Variants in SUPT3H observed in about 807,000 individuals in gnomAD.
SUPT3H encodes the protein transcription initiation protein SPT3 homolog.
In SUPT3H, 44 loss-of-function variants were observed where a neutral mutation model predicts 44.3. The ratio of observed to expected loss-of-function variants is 0.99; its 90% confidence interval spans 0.78 to 1.28. The LOEUF is 1.28. SUPT3H is among the 50% of genes most tolerant of loss of function. The pLI is 0.00. For synonymous variants in SUPT3H, 124 were observed against 125.6 expected (o/e 0.99, Z 0.09); for missense variants, 380 against 387.1 (o/e 0.98, Z 0.15).
chr6:45,166,351 G>C (rs906863484), intron 2 of SUPT3H, among the ~76,000 whole-genome samples: 1 of 152,088 alleles, frequency 6.6e-6, no homozygotes, highest in Non-Finnish European at 1.5e-5. Context: ...CACTTTAGGA[G>C]GCCAAGGCGG....
At chr6:45,155,243 C>T (rs1247865023) in intron 2 of SUPT3H, among the ~76,000 whole-genome samples, 2 of 152,118 alleles carry the variant, frequency 1.3e-5, no homozygotes, top group Non-Finnish European at 2.9e-5. Flanking sequence ...AAGTTCAAAG[C>T]TCTTACCACT....
intron 2 of SUPT3H, among the ~76,000 whole-genome samples, chr6:45,226,218 T>C (rs917918084): frequency 6.6e-6 from 1 of 152,186 alleles, no homozygotes; most frequent in Non-Finnish European, 1.5e-5. Context: ...CTAAGTTTTA[T>C]TTCAGAAAAG....
chr6:45,016,107 T>G (rs114541001), intron 4 of SUPT3H, among the ~76,000 whole-genome samples: 169 of 152,202 alleles, frequency 1.1e-3, no homozygotes, highest in African/African-American at 3.8e-3. Context: ...TAATTTTATG[T>G]GCTATGCTTT....
intron 3 of SUPT3H, among the ~76,000 whole-genome samples, chr6:45,082,746 T>G (rs1192332354): frequency 6.6e-6 from 1 of 152,136 alleles, no homozygotes; most frequent in East Asian, 1.9e-4. Context: ...CTACTTCTAC[T>G]CAACATAGTA....
chr6:45,091,067 C>G (rs1797069060), intron 3 of SUPT3H, among the ~76,000 whole-genome samples: 1 of 151,772 alleles, frequency 6.6e-6, no homozygotes, highest in South Asian at 2.1e-4. Context: ...TGTTTAAATT[C>G]CTTCTTTCTT....
At chr6:45,083,707 A>C (rs1377559426) in intron 3 of SUPT3H, among the ~76,000 whole-genome samples, 1 of 152,114 alleles carries the variant, frequency 6.6e-6, no homozygotes, top group Non-Finnish European at 1.5e-5. Context: ...ACAGTAAAAA[A>C]AAAAAAACCA....
Position 44,929,770 on chromosome 6 carries a change from T to C in SUPT3H, c.912+2883A>G, listed in dbSNP as rs1177581334. Among the ~76,000 whole-genome samples, 29 of 50,806 alleles carry C rather than the reference T, an allele frequency of 5.7e-4. No homozygotes were observed. The East Asian group carries it at 8.3e-3, about 14-fold the overall frequency. 33.3% of individuals were successfully genotyped at this position (50,806 alleles called of 152,430 possible). On this transcript the variant is annotated intron_variant, in intron 10 of 10. Transcript: ENST00000371459. ...TGGTAAGTTTCTACCATGAGCTCCC[T>C]TTTTTTTTTTTTTTTAGCAGCTTGA...
At chr6:44,925,660 A>G (rs1000065853) in intron 10 of SUPT3H, among the ~76,000 whole-genome samples, 2 of 152,134 alleles carry the variant, frequency 1.3e-5, no homozygotes, top group African/African-American at 4.8e-5. Context: ...ACTGCTTGTA[A>G]ATAGTGAAGA....
intron 2 of SUPT3H, among the ~76,000 whole-genome samples, chr6:45,165,425 T>G (rs74695922): frequency 1.3e-5 from 2 of 152,222 alleles, no homozygotes; most frequent in Admixed American, 6.5e-5. Flanking sequence ...CAATCTATAC[T>G]GTTCATTTAA....
At chr6:44,847,212 A>G (rs546452779) in intron 10 of SUPT3H, among the ~76,000 whole-genome samples, 17 of 152,234 alleles carry the variant, frequency 1.1e-4, no homozygotes, top group African/African-American at 3.6e-4. Flanking sequence ...TACTTTTCCA[A>G]TTGCTGATAC....
intron 2 of SUPT3H, among the ~76,000 whole-genome samples, chr6:45,199,698 A>G (rs769249029): frequency 2.0e-5 from 3 of 151,306 alleles, no homozygotes; most frequent in Non-Finnish European, 4.4e-5. Flanking sequence ...TGTTAAACCT[A>G]TAACACATTT....
chr6:44,929,243 C>T (rs2153460174), intron 10 of SUPT3H, among the ~76,000 whole-genome samples: 1 of 152,144 alleles, frequency 6.6e-6, no homozygotes, highest in East Asian at 1.9e-4. Flanking sequence ...TTGATCATGT[C>T]ATTTGGTATA....
chr6:45,359,070 A>AC (rs1209808327), intron 2 of SUPT3H, among the ~76,000 whole-genome samples: 2 of 152,166 alleles, frequency 1.3e-5, no homozygotes, highest in Non-Finnish European at 2.9e-5. Context: ...TAAGCAAGAC[A>AC]CTTTTTTCCC....
intron 10 of SUPT3H, among the ~76,000 whole-genome samples, chr6:44,896,599 C>T (rs1238963489): frequency 6.6e-6 from 1 of 152,134 alleles, no homozygotes; most frequent in Non-Finnish European, 1.5e-5. Context: ...AGAGGCATCA[C>T]AACAAAATTG....
chr6:45,134,049 A>T (rs943988538), intron 2 of SUPT3H, among the ~76,000 whole-genome samples: 1 of 152,184 alleles, frequency 6.6e-6, no homozygotes, highest in African/African-American at 2.4e-5. Context: ...TGTTACTATA[A>T]AAGAATATCT....
chr6:45,364,966 A>C (rs1426202324), intron 2 of SUPT3H, among the ~76,000 whole-genome samples: 1 of 152,236 alleles, frequency 6.6e-6, no homozygotes, highest in African/African-American at 2.4e-5. Context: ...TATTCATTCT[A>C]TCATTTATAA....
intron 2 of SUPT3H, among the ~76,000 whole-genome samples, chr6:45,278,504 A>C (rs754541645): frequency 5.3e-5 from 8 of 152,224 alleles, no homozygotes; most frequent in South Asian, 2.1e-4. Context: ...GCAAAGAAAA[A>C]GCCCACTATG....
chr6:44,884,224 G>C (rs1429865868), intron 10 of SUPT3H, among the ~76,000 whole-genome samples: 2 of 152,110 alleles, frequency 1.3e-5, no homozygotes, highest in Non-Finnish European at 2.9e-5. Flanking sequence ...CTGAAAAGAA[G>C]ACATTTATGC....
intron 2 of SUPT3H, among the ~76,000 whole-genome samples, chr6:45,255,830 G>T (rs535402549): frequency 6.6e-6 from 1 of 152,194 alleles, no homozygotes; most frequent in Non-Finnish European, 1.5e-5. Flanking sequence ...GCAGATATGT[G>T]CAACTATCAC....
Sources: allele counts gnomAD v4.1 joint callset (sites outside exome capture counted in the v4.1 genomes callset), GRCh38; gene constraint gnomAD v4.1.1; transcripts MANE v1.5; gene names NCBI Gene and HGNC (gene_info 2026-07-23, HGNC 2026-07-21).